TMEM217: variants seen among roughly 807,000 people sequenced by gnomAD.
TMEM217 encodes the protein transmembrane protein 217.
For missense variants in TMEM217, 204 were observed against 248.8 expected, an observed-to-expected ratio of 0.82 and a Z score of 1.21; for synonymous variants, 76 against 88.3, an observed-to-expected ratio of 0.86 and a Z score of 0.78.
chr6:37,257,928 A>G, exon 1 of TMEM217: 1 of 1,614,056 alleles, frequency 6.2e-7, no homozygotes, highest in Non-Finnish European at 8.5e-7. Context: ...ATGGCCGCTG[A>G]GAACAGCAAG....
rs935204846 is a variant in TMEM217, at chr6:37,258,110, G to A, written c.-554C>T. The A allele has an allele frequency of 6.1e-6, 6 of 990,818 alleles. No individual in the cohort carries two copies. In the African/African-American group the frequency reaches 8.5e-5, roughly 14 times the overall value. The allele number at this position is 990,818 out of a possible 1,614,324, so 61.4% of individuals were successfully genotyped here. A position where few individuals can be genotyped will look rare whatever the true frequency, so the allele number is the denominator to read the frequency against. ...AAGCTGGGACTGCCTGGTGGCGGCA[G>A]GGCAGCTGTCAGGCAGCGAAGCGAA... On this transcript the variant is annotated 5_prime_UTR_variant, in exon 1 of 2. Transcript: ENST00000357219.
intron 1 of TMEM217, among the ~76,000 whole-genome samples, chr6:37,231,204 T>C (rs1032379481): frequency 2.1e-4 from 31 of 148,286 alleles, no homozygotes; most frequent in Middle Eastern, 3.5e-3. Context: ...GGATTACAGG[T>C]GCAAGCCACC....
chr6:37,237,806 A>C (rs573366752), intron 1 of TMEM217, among the ~76,000 whole-genome samples: 22 of 152,302 alleles, frequency 1.4e-4, no homozygotes, highest in Admixed American at 1.1e-3. Context: ...ATCTTTCTCT[A>C]TATATATACA....
intron 1 of TMEM217, among the ~76,000 whole-genome samples, chr6:37,219,732 C>CAA (rs112197817): frequency 2.7e-5 from 4 of 145,540 alleles, no homozygotes; most frequent in African/African-American, 7.5e-5. Flanking sequence ...ACCCTATATC[C>CAA]AAAAAAAAAA....
chr6:37,238,764 A>C (rs1465801013), intron 1 of TMEM217, among the ~76,000 whole-genome samples: 2 of 152,214 alleles, frequency 1.3e-5, no homozygotes, highest in African/African-American at 4.8e-5. Flanking sequence ...AAAGGGAGAG[A>C]CTTACTTTTT....
In TMEM217 at chr6:37,217,939, C is replaced by G. The variant is rs796455137; in HGVS notation, c.*483G>C. 1.2e-5 allele frequency: 12 copies of G among 986,748 alleles called. No homozygotes were observed. The African/African-American group carries it at 1.9e-4, about 16-fold the overall frequency. The allele number at this position is 986,748 out of a possible 1,614,324, so 61.1% of individuals were successfully genotyped here. On this transcript the variant is annotated 3_prime_UTR_variant, in exon 2 of 2. Transcript: ENST00000357219. ...CAGAAGTTTTGATAAATCACAATATCCTTTAACTAAATACCCTCAATGAGC... is the reference window on the plus strand; with the variant it reads ...CAGAAGTTTTGATAAATCACAATATGCTTTAACTAAATACCCTCAATGAGC...
chr6:37,241,099 C>CTTTTTTT (rs74398542), intron 1 of TMEM217, among the ~76,000 whole-genome samples: 1 of 132,930 alleles, frequency 7.5e-6, no homozygotes, highest in Non-Finnish European at 1.6e-5. Context: ...AAGTATTACT[C>CTTTTTTT]TTTTTTTTTT....
At chr6:37,243,662 G>C (rs1369406897) in intron 1 of TMEM217, among the ~76,000 whole-genome samples, 1 of 152,186 alleles carries the variant, frequency 6.6e-6, no homozygotes, top group Non-Finnish European at 1.5e-5. Context: ...GCAATGGCAT[G>C]ATCTCGGCTC....
intron 1 of TMEM217, among the ~76,000 whole-genome samples, chr6:37,221,210 G>A (rs973817524): frequency 2.0e-5 from 3 of 146,998 alleles, no homozygotes; most frequent in African/African-American, 7.5e-5. Context: ...TTTTTGAGAC[G>A]GAGTCTCGCT....
downstream of TMEM217, chr6:37,215,271 C>T: frequency 6.2e-7 from 1 of 1,613,622 alleles, no homozygotes; most frequent in Non-Finnish European, 8.5e-7. Context: ...GGTAAATATG[C>T]TAGTGTGGAA....
At chr6:37,234,133 T>G (rs943053497) in intron 1 of TMEM217, among the ~76,000 whole-genome samples, 6 of 149,678 alleles carry the variant, frequency 4.0e-5, no homozygotes, top group Non-Finnish European at 8.9e-5. Flanking sequence ...ATAGTCTTGC[T>G]CTGTCACCCA....
At chr6:37,240,525 G>A (rs565921992) in intron 1 of TMEM217, among the ~76,000 whole-genome samples, 1 of 152,272 alleles carries the variant, frequency 6.6e-6, no homozygotes, top group South Asian at 2.1e-4. Flanking sequence ...CAAAATGGAA[G>A]CTGCACTGTC....
At chr6:37,257,216 G>C (rs1472649853) in intron 1 of TMEM217, among the ~76,000 whole-genome samples, 1 of 152,182 alleles carries the variant, frequency 6.6e-6, no homozygotes, top group Admixed American at 6.5e-5. Context: ...CACAGCACAA[G>C]TCCTTCAATC....
downstream of TMEM217, chr6:37,212,922 A>C (rs1490035860): frequency 6.5e-7 from 1 of 1,549,742 alleles, no homozygotes; most frequent in East Asian, 2.4e-5. Context: ...GGGTGGTATT[A>C]AGGACAGAGA....
At chr6:37,222,582 G>A (rs1036129018) in intron 1 of TMEM217, among the ~76,000 whole-genome samples, 2 of 152,206 alleles carry the variant, frequency 1.3e-5, no homozygotes, top group African/African-American at 4.8e-5. Flanking sequence ...GGGAGGCCCA[G>A]GTCTGCAGCC....
At chr6:37,247,389 C>CTT (rs11323017) in intron 1 of TMEM217, among the ~76,000 whole-genome samples, 1 of 127,792 alleles carries the variant, frequency 7.8e-6, no homozygotes, top group Non-Finnish European at 1.6e-5. Context: ...AACTTTTTTA[C>CTT]TTTTTTTTTT....
chr6:37,221,096 T>C (rs773311777), intron 1 of TMEM217, among the ~76,000 whole-genome samples: 1 of 152,168 alleles, frequency 6.6e-6, no homozygotes, highest in Non-Finnish European at 1.5e-5. Context: ...AAGCAACGAA[T>C]TCCCATTTCC....
chr6:37,248,287 G>T (rs1562024622), intron 1 of TMEM217, among the ~76,000 whole-genome samples: 1 of 152,088 alleles, frequency 6.6e-6, no homozygotes, highest in Non-Finnish European at 1.5e-5. Flanking sequence ...ATATAGTTTA[G>T]TGCCAGGAAT....
intron 1 of TMEM217, among the ~76,000 whole-genome samples, chr6:37,229,344 T>TTTTTG (rs1764049740): frequency 7.8e-6 from 1 of 127,730 alleles, no homozygotes; most frequent in African/African-American, 3.1e-5. Context: ...AGTTTTTTTT[T>TTTTTG]TTTTTTTTTT....
Sources: gnomAD v4.1 joint callset for allele counts (sites outside exome capture counted in the v4.1 genomes callset) on GRCh38, gnomAD v4.1.1 for gene constraint, MANE v1.5 for transcripts, NCBI Gene and HGNC (gene_info 2026-07-23, HGNC 2026-07-21) for gene names.